The following PTPRD variants were observed in gnomAD, a reference collection of about 807,000 sequenced individuals.
The protein encoded by PTPRD is protein tyrosine phosphatase receptor type D.
PTPRD carries 34 observed loss-of-function variants against 214.5 expected under a neutral mutation model. The observed-to-expected ratio is 0.16, with a 90% CI of 0.12 to 0.21. The LOEUF is 0.21. Ranked by LOEUF, PTPRD falls within the 10% of genes least tolerant of loss-of-function variation. The pLI is 1.00. For missense variants in PTPRD, 2,545 were observed against 2,398.7 expected (o/e 1.06, Z -1.27); for synonymous variants, 1,128 against 845.7 (o/e 1.33, Z -5.79).
At chr9:9,219,266 T>C (rs1046639633) in intron 9 of PTPRD, among the ~76,000 whole-genome samples, 7 of 152,290 alleles carry the variant, frequency 4.6e-5, no homozygotes, top group East Asian at 3.9e-4. Flanking sequence ...GGTCTCTAGA[T>C]GTACAGCTTG....
At position 8,389,377 on chromosome 9, in the gene PTPRD, T is replaced by G. The variant is rs760240241; in HGVS notation, c.4241A>C (p.Asn1414Thr). Residue 1414 changes from asparagine to threonine, a missense_variant, in exon 37 of 46, where the codon AAC (asparagine) becomes ACC (threonine). Coordinates refer to ENST00000381196, the MANE Select transcript of PTPRD (RefSeq NM_002839.4). ...TTGCTTCCTATACCCATCTATGTAG[T>G]TGGCATTCACATAGTCACTTCCTGG... Reference protein sequence around the residue: ...GIPGSDYVNANYIDGYRKQNA... With the variant: ...GIPGSDYVNATYIDGYRKQNA... The G allele has an allele frequency of 6.2e-7, 1 of 1,610,874 alleles. No individual in the cohort carries two copies. Among genetic ancestry groups the G allele is most frequent in the Non-Finnish European group, 8.5e-7 (1 of 1,178,456 alleles).
intron 9 of PTPRD, among the ~76,000 whole-genome samples, chr9:9,333,499 GTATATTA>G (rs934614296): frequency 1.1e-4 from 11 of 97,770 alleles, no homozygotes; most frequent in African/African-American, 7.9e-4. Flanking sequence ...ATATTATATA[GTATATTA>G]TATATATATA....
intron 8 of PTPRD, among the ~76,000 whole-genome samples, chr9:9,532,211 G>A (rs762032043): frequency 1.2e-4 from 18 of 152,080 alleles, no homozygotes; most frequent in Admixed American, 5.9e-4. Flanking sequence ...ACTCTTATTT[G>A]TATGGACTTG....
chr9:9,055,640 A>G (rs1198517043), intron 10 of PTPRD, among the ~76,000 whole-genome samples: 1 of 152,036 alleles, frequency 6.6e-6, no homozygotes, highest in African/African-American at 2.4e-5. Flanking sequence ...AAAGTTGAGT[A>G]TATATTTGTT....
chr9:10,274,166 G>T (rs2094558726), intron 3 of PTPRD, among the ~76,000 whole-genome samples: 1 of 152,048 alleles, frequency 6.6e-6, no homozygotes, highest in Non-Finnish European at 1.5e-5. Flanking sequence ...GGGAAAACAT[G>T]GAACAAAATT....
intron 2 of PTPRD, among the ~76,000 whole-genome samples, chr9:10,552,340 G>T (rs190771558): frequency 2.6e-5 from 4 of 152,120 alleles, no homozygotes; most frequent in African/African-American, 9.7e-5. Flanking sequence ...ATCACACCAT[G>T]CTTTTGGATA....
chr9:8,553,360 T>C (rs1354183028), intron 14 of PTPRD, among the ~76,000 whole-genome samples: 2 of 152,122 alleles, frequency 1.3e-5, no homozygotes, highest in Admixed American at 6.5e-5. Flanking sequence ...TTGAAAGAGC[T>C]CAAACAGTGG....
At chr9:10,216,284 A>G (rs2099540639) in intron 3 of PTPRD, among the ~76,000 whole-genome samples, 1 of 151,880 alleles carries the variant, frequency 6.6e-6, no homozygotes, top group Non-Finnish European at 1.5e-5. Context: ...AGTCTTAGAG[A>G]AGGAGTGCAG....
chr9:8,771,684 G>A (rs886660087), intron 11 of PTPRD, among the ~76,000 whole-genome samples: 3 of 151,968 alleles, frequency 2.0e-5, no homozygotes, highest in South Asian at 4.1e-4. Context: ...AAGAAAAGTC[G>A]AATACTTAAA....
At chr9:10,342,183 A>C (rs895048071) in intron 2 of PTPRD, among the ~76,000 whole-genome samples, 1 of 152,142 alleles carries the variant, frequency 6.6e-6, no homozygotes, top group Non-Finnish European at 1.5e-5. Flanking sequence ...AGATCATCAG[A>C]TCGTATTGAC....
intron 4 of PTPRD, among the ~76,000 whole-genome samples, chr9:9,979,169 ATAAACT>A (rs954429719): frequency 1.3e-5 from 2 of 152,140 alleles, no homozygotes; most frequent in African/African-American, 4.8e-5. Flanking sequence ...GATATGGGAC[ATAAACT>A]TAGATTTATA....
At chr9:8,373,777 T>C (rs1009007060) in intron 39 of PTPRD, among the ~76,000 whole-genome samples, 1 of 151,790 alleles carries the variant, frequency 6.6e-6, no homozygotes, top group African/African-American at 2.4e-5. Flanking sequence ...GCTTATAATC[T>C]ACAGAGGGTG....
intron 2 of PTPRD, among the ~76,000 whole-genome samples, chr9:10,438,983 G>T (rs7861222): frequency 0.1 from 15,236 of 151,616 alleles, 1,336 homozygotes; most frequent in African/African-American, 0.23. Context: ...GTTGTCCCCT[G>T]TTTGGACCAG....
At chr9:8,977,857 T>C (rs569313590) in intron 11 of PTPRD, among the ~76,000 whole-genome samples, 1 of 152,006 alleles carries the variant, frequency 6.6e-6, no homozygotes, top group Admixed American at 6.6e-5. Flanking sequence ...AGGTAGAAAA[T>C]GTAATGGAAA....
chr9:8,982,781 A>T (rs1483086964), intron 11 of PTPRD, among the ~76,000 whole-genome samples: 1 of 152,026 alleles, frequency 6.6e-6, no homozygotes, highest in Non-Finnish European at 1.5e-5. Flanking sequence ...ATATAGCTAA[A>T]TATTATTTAT....
intron 10 of PTPRD, among the ~76,000 whole-genome samples, chr9:9,021,312 T>C (rs1357770239): frequency 6.6e-6 from 1 of 152,168 alleles, no homozygotes; most frequent in Non-Finnish European, 1.5e-5. Flanking sequence ...GTGATAGCTG[T>C]TGTAATGTTA....
chr9:9,343,176 T>C (rs1398570310), intron 9 of PTPRD, among the ~76,000 whole-genome samples: 1 of 152,190 alleles, frequency 6.6e-6, no homozygotes, highest in Non-Finnish European at 1.5e-5. Flanking sequence ...TATTGTGTAG[T>C]GCTGCAATAA....
intron 10 of PTPRD, among the ~76,000 whole-genome samples, chr9:9,179,136 T>C (rs1308167845): frequency 6.6e-6 from 1 of 152,146 alleles, no homozygotes; most frequent in Non-Finnish European, 1.5e-5. Flanking sequence ...GTATTTCTGA[T>C]TTTCTTAATT....
chr9:9,081,328 G>T (rs185276895), intron 10 of PTPRD, among the ~76,000 whole-genome samples: 2 of 152,120 alleles, frequency 1.3e-5, no homozygotes, highest in Non-Finnish European at 1.5e-5. Flanking sequence ...TTAATCTTGA[G>T]TTCTAATTTG....
Sources: allele counts gnomAD v4.1 joint callset (sites outside exome capture counted in the v4.1 genomes callset), GRCh38; gene constraint gnomAD v4.1.1; transcripts MANE v1.5; gene names NCBI Gene and HGNC (gene_info 2026-07-23, HGNC 2026-07-21).